CTH: variants seen among roughly 807,000 people sequenced by gnomAD.
The protein encoded by CTH is cystathionase (cystathionine gamma-lyase).
CTH carries 41 observed loss-of-function variants against 50.6 expected under a neutral mutation model. The ratio of observed to expected loss-of-function variants is 0.81; its 90% CI spans 0.63 to 1.05. CTH has a LOEUF of 1.05. CTH is among the 50% of genes least tolerant of loss of function. The pLI, the probability that CTH is intolerant of heterozygous loss-of-function variation, is 0.00. For synonymous variants in CTH, 156 were observed against 168.9 expected, an observed-to-expected ratio of 0.92 and a Z score of 0.59; for missense variants, 470 against 492.6, an observed-to-expected ratio of 0.95 and a Z score of 0.43.
chr1:70,413,421 G>A (rs1684016648), intron 1 of CTH, among the ~76,000 whole-genome samples: 2 of 151,608 alleles, frequency 1.3e-5, no homozygotes, highest in Non-Finnish European at 2.9e-5. Context: ...CTGCCACTGC[G>A]CCTGACTCAT....
At chr1:70,422,479 C>A (rs1412599107) in intron 4 of CTH, among the ~76,000 whole-genome samples, 5 of 152,150 alleles carry the variant, frequency 3.3e-5, no homozygotes, top group African/African-American at 1.2e-4. Context: ...AAATAAATAT[C>A]TTTTCATGTA....
rs1014262292 is a variant in CTH, at chr1:70,431,940, T to A, written c.725-143T>A. The A allele has an allele frequency of 3.7e-5, 29 of 794,502 alleles. No homozygotes were observed. In the African/African-American group the frequency reaches 4.1e-4, roughly 11 times the overall value. The allele number at this position is 794,502 out of a possible 1,614,324, so 49.2% of individuals were successfully genotyped here. A position where few individuals can be genotyped will look rare whatever the true frequency, so the allele number is the denominator to read the frequency against. ...TATGCTTTGTTCTTCTGCTTCTGAT[T>A]TGATATATTATTTTCCTCCTAGAAC... On this transcript the variant is annotated intron_variant, in intron 7 of 11. Coordinates refer to ENST00000370938, the MANE Select transcript of CTH (RefSeq NM_001902.6).
At chr1:70,436,964 G>T (rs1355652535) in intron 10 of CTH, among the ~76,000 whole-genome samples, 1 of 152,174 alleles carries the variant, frequency 6.6e-6, no homozygotes, top group Non-Finnish European at 1.5e-5. Context: ...GAGGATGAGT[G>T]GATTTAGGTC....
intron 10 of CTH, among the ~76,000 whole-genome samples, chr1:70,435,488 T>C (rs1684578803): frequency 6.6e-6 from 1 of 152,088 alleles, no homozygotes; most frequent in Non-Finnish European, 1.5e-5. Flanking sequence ...TGTTCTACCC[T>C]ACTCAGCCTT....
At chr1:70,419,994 G>GTTT (rs1161753778) in intron 3 of CTH, among the ~76,000 whole-genome samples, 9 of 136,290 alleles carry the variant, frequency 6.6e-5, no homozygotes, top group Admixed American at 5.2e-4. Flanking sequence ...GGACCGGCGT[G>GTTT]TTTTTTTTTT....
chr1:70,412,702 A>T (rs1193857284), intron 1 of CTH, among the ~76,000 whole-genome samples: 1 of 152,198 alleles, frequency 6.6e-6, no homozygotes, highest in East Asian at 1.9e-4. Flanking sequence ...CAAGTTAGTT[A>T]ACCTATCAAA....
chr1:70,417,329 A>G lies in CTH; in HGVS notation c.251-608A>G, dbSNP rs190775345. On this transcript the variant is annotated intron_variant, in intron 2 of 11. Coordinates refer to ENST00000370938, the MANE Select transcript of CTH (RefSeq NM_001902.6). ...ATATGGAGTCTCCCTCTGTCACCCA[A>G]GCTGGAGTGCAGTGGTGCAATCTTG... Among the ~76,000 whole-genome samples, 708 of 151,922 alleles carry G rather than the reference A, an allele frequency of 4.7e-3. 1 individual carries two copies. Among genetic ancestry groups the G allele is most frequent in the Non-Finnish European group, 7.8e-3 (529 of 67,942 alleles).
chr1:70,432,144 A>G lies in CTH; in HGVS notation c.786A>G (p.Leu262=), dbSNP rs1159474666. The G allele has an allele frequency of 5.6e-6, 9 of 1,614,162 alleles. No homozygotes were observed. Among genetic ancestry groups the G allele is most frequent in the Non-Finnish European group, 6.8e-6 (8 of 1,180,006 alleles). The change falls in exon 8 of 12, where the codon CTA becomes CTG. Residue 262 remains leucine (L), a synonymous_variant. Coordinates refer to ENST00000370938, the MANE Select transcript of CTH (RefSeq NM_001902.6). ...CYLCNRGLKT[L]HVRMEKHFKN... Reference sequence around the variant, plus strand: ...TCTGCAATCGAGGTCTGAAGACTCTACATGTCCGAATGGAAAAGCATTTCA... The same window carrying G: ...TCTGCAATCGAGGTCTGAAGACTCTGCATGTCCGAATGGAAAAGCATTTCA...
intron 10 of CTH, 147 bp downstream of exon 10, chr1:70,435,324 A>G: frequency 1.3e-6 from 1 of 778,194 alleles, no homozygotes; most frequent in Non-Finnish European, 2.1e-6. Flanking sequence ...TAACCCTGTC[A>G]AGATGGAGAC....
chr1:70,415,128 A>C (rs1362330993), intron 1 of CTH, among the ~76,000 whole-genome samples: 1 of 152,182 alleles, frequency 6.6e-6, no homozygotes, highest in East Asian at 1.9e-4. Context: ...TCAGCCTGAC[A>C]GATGGCTCAC....
intron 2 of CTH, among the ~76,000 whole-genome samples, chr1:70,416,623 G>T (rs1482000141): frequency 6.6e-6 from 1 of 151,030 alleles, no homozygotes; most frequent in Non-Finnish European, 1.5e-5. Context: ...GAGTGCAATG[G>T]CAGGATCTCG....
At chr1:70,422,907 G>A (rs1309218910) in intron 4 of CTH, among the ~76,000 whole-genome samples, 1 of 152,096 alleles carries the variant, frequency 6.6e-6, no homozygotes, top group Non-Finnish European at 1.5e-5. Context: ...ACCGTGCCGG[G>A]CCCTGGTCTG....
intron 2 of CTH, among the ~76,000 whole-genome samples, chr1:70,417,181 A>C (rs545671192): frequency 4.6e-5 from 7 of 152,288 alleles, no homozygotes; most frequent in Non-Finnish European, 8.8e-5. Context: ...GACAAATCTC[A>C]GGTCTGATTG....
At chr1:70,431,968 A>G in intron 7 of CTH, 115 bp from the exon 8 acceptor site, 1 of 1,070,064 alleles carries the variant, frequency 9.3e-7, no homozygotes, top group Non-Finnish European at 1.4e-6. Flanking sequence ...CCTAGAACTC[A>G]AACATTGAGC....
chr1:70,430,631 T>G (rs1684444698), intron 7 of CTH, among the ~76,000 whole-genome samples: 1 of 151,686 alleles, frequency 6.6e-6, no homozygotes, highest in Non-Finnish European at 1.5e-5. Context: ...AACCTCCACC[T>G]CCTGGGTTCA....
At chr1:70,432,658 AT>A (rs1684502407) in intron 8 of CTH, among the ~76,000 whole-genome samples, 1 of 149,118 alleles carries the variant, frequency 6.7e-6, no homozygotes, top group African/African-American at 2.5e-5. Flanking sequence ...AGGTGCTAAA[AT>A]TCCCCTGAGG....
rs1684651034 is a variant in CTH, at chr1:70,438,720, A to G, written c.1085A>G (p.Asn362Ser). The G allele has an allele frequency of 6.2e-7, 1 of 1,614,016 alleles. No individual in the cohort carries two copies. Among genetic ancestry groups the G allele is most frequent in the Admixed American group, 1.7e-5 (1 of 59,996 alleles). The change falls in exon 11 of 12, where the codon AAT becomes AGT. Residue 362 changes from asparagine (N) to serine (S), a missense_variant. Physicochemically the swap from Asn to Ser is conservative, Grantham distance 46. Transcript: ENST00000370938. ...AIMTHASVLK[N>S]DRDVLGISDT... is the part of the protein sequence containing the mutation. ...ATGACTCATGCATCAGTTCTTAAGAATGACAGAGATGTCCTTGGAATTAGT... is the reference window on the plus strand; with the variant it reads ...ATGACTCATGCATCAGTTCTTAAGAGTGACAGAGATGTCCTTGGAATTAGT...
chr1:70,433,358 A>C (rs963269376), intron 8 of CTH, among the ~76,000 whole-genome samples: 1 of 152,202 alleles, frequency 6.6e-6, no homozygotes, highest in East Asian at 1.9e-4. Flanking sequence ...AAGAATGGGC[A>C]GCATTGGTTA....
rs1684140902 is a variant in CTH at position 70,418,392 on chromosome 1, G to C, written c.346+360G>C. Reference sequence around the variant, plus strand: ...AGCCTCCTGAATAGCTGGGACCCCAGGCGCATGCCACCACACCTGACTAAT... The same window carrying C: ...AGCCTCCTGAATAGCTGGGACCCCACGCGCATGCCACCACACCTGACTAAT... On this transcript the variant is annotated intron_variant, in intron 3 of 11. Transcript: ENST00000370938. 2.0e-5 allele frequency among the ~76,000 whole-genome samples: 3 copies of C among 152,250 alleles called. No homozygotes were observed. The South Asian group carries it at 6.2e-4, about 32-fold the overall frequency.
Sources: gnomAD v4.1 joint callset for allele counts (sites outside exome capture counted in the v4.1 genomes callset) on GRCh38, gnomAD v4.1.1 for gene constraint, MANE v1.5 for transcripts, NCBI Gene and HGNC (gene_info 2026-07-23, HGNC 2026-07-21) for gene names.